The following FAM120C variants were observed in gnomAD, a reference collection of about 807,000 sequenced individuals.
FAM120C encodes the protein constitutive coactivator of PPAR-gamma-like protein 2.
Under a neutral mutation model 71.2 loss-of-function variants are expected in FAM120C, and 14 were observed. The observed-to-expected ratio is 0.20, with a 90% CI of 0.13 to 0.31. The LOEUF (loss-of-function observed/expected upper bound fraction) is 0.31, where lower values mean the gene tolerates loss of function less well. Among genes scored for constraint, FAM120C ranks in the 10% least tolerant of loss-of-function variants. The probability of loss-of-function intolerance (pLI) is 1.00; values close to 1 mark genes in which losing one functional copy is unlikely to be tolerated. For synonymous variants in FAM120C, 354 were observed against 353.2 expected (o/e 1.00, Z -0.03); for missense variants, 500 against 879.0 (o/e 0.57, Z 5.45).
At chrX:54,163,890 G>A (rs2067246272) in intron 1 of FAM120C, among the ~76,000 whole-genome samples, 1 of 106,827 alleles carries the variant, frequency 9.4e-6, no homozygotes, top group African/African-American at 3.5e-5. Context: ...TATGTTGTGT[G>A]TGTGTGTGTG....
At position 54,132,557 on chromosome X, in the gene FAM120C, G is replaced by C. The variant is rs2067073495; in HGVS notation, c.2062+135C>G. 6 of 451,470 alleles carry C rather than the reference G, an allele frequency of 1.3e-5. No homozygotes were observed. In the South Asian group the frequency reaches 2.9e-4, roughly 22 times the overall value. The allele number at this position is 451,470 out of a possible 1,213,427, so 37.2% of individuals were successfully genotyped here. A position where few individuals can be genotyped will look rare whatever the true frequency, so the allele number is the denominator to read the frequency against. Reference sequence around the variant, plus strand: ...TGGGGCTTAAGTTAATGTATTCCCAGTATCAGTATGCATTTTGTTGAATGT... The same window carrying C: ...TGGGGCTTAAGTTAATGTATTCCCACTATCAGTATGCATTTTGTTGAATGT... On this transcript the variant is annotated intron_variant, in intron 9 of 15. Transcript: ENST00000375180.
chrX:54,106,031 C>T (rs1358678458), intron 10 of FAM120C, among the ~76,000 whole-genome samples: 4 of 111,940 alleles, frequency 3.6e-5, no homozygotes, highest in African/African-American at 9.7e-5. Flanking sequence ...CTACCAATGA[C>T]TTTCTTCACA....
intron 1 of FAM120C, chrX:54,172,007 C>T (rs2067290960): frequency 8.9e-6 from 1 of 112,718 alleles, no homozygotes. Context: ...CCATCACTTT[C>T]AATTCTTGGA....
intron 12 of FAM120C, 128 bp from the exon 13 acceptor site, chrX:54,086,044 CG>C: frequency 1.8e-6 from 1 of 554,628 alleles, no homozygotes; most frequent in East Asian, 3.5e-5. Flanking sequence ...TGAGGCCTGT[CG>C]TTAAAGGGCT....
chrX:54,149,904 G>C (rs1395593249), intron 4 of FAM120C, among the ~76,000 whole-genome samples: 2 of 112,091 alleles, frequency 1.8e-5, no homozygotes, highest in African/African-American at 6.5e-5. Flanking sequence ...AATCCAAATT[G>C]AAAAATATAA....
intron 10 of FAM120C, among the ~76,000 whole-genome samples, chrX:54,103,333 C>G (rs2066891172): frequency 9.0e-6 from 1 of 111,287 alleles, no homozygotes; most frequent in Non-Finnish European, 1.9e-5. Context: ...TGACAATACT[C>G]TGGGCTTAAG....
At chrX:54,137,055 C>T (rs1433141766) in intron 4 of FAM120C, among the ~76,000 whole-genome samples, 1 of 110,318 alleles carries the variant, frequency 9.1e-6, no homozygotes, top group African/African-American at 3.3e-5. Flanking sequence ...CAGGTTCAAG[C>T]GATTCTCCTG....
intron 1 of FAM120C, chrX:54,174,152 T>C: frequency 1.9e-6 from 1 of 513,128 alleles, no homozygotes. Context: ...GCTTGCTTCA[T>C]CAGAGTGATC....
At position 54,087,741 on chromosome X, in the gene FAM120C, T is replaced by C. The variant is rs1449930626; in HGVS notation, c.2637+14A>G. On this transcript the variant is annotated intron_variant, in intron 12 of 15. Coordinates refer to ENST00000375180, the MANE Select transcript of FAM120C (RefSeq NM_017848.6). Reference sequence around the variant, plus strand: ...AGATCAGAGCTAGTCCTTAGCAGCCTGACATGCTGGTACCTGGCCATCACA... The same window carrying C: ...AGATCAGAGCTAGTCCTTAGCAGCCCGACATGCTGGTACCTGGCCATCACA... 18 of 1,202,835 alleles carry C rather than the reference T, an allele frequency of 1.5e-5. No individual in the cohort carries two copies. The highest frequency in any genetic ancestry group is 2.0e-5 in the Non-Finnish European group (18 of 890,413).
In FAM120C at chrX:54,068,915, G is replaced by A. The variant is rs933287432; in HGVS notation, c.*4118C>T. 2 of 111,464 alleles carry A rather than the reference G, an allele frequency of 1.8e-5. No homozygotes were observed. Among genetic ancestry groups the A allele is most frequent in the Non-Finnish European group, 3.8e-5 (2 of 53,102 alleles). 9.2% of individuals were successfully genotyped at this position (111,464 alleles called of 1,213,427 possible). A position where few individuals can be genotyped will look rare whatever the true frequency, so the allele number is the denominator to read the frequency against. On this transcript the variant is annotated 3_prime_UTR_variant, in exon 16 of 16. Transcript: ENST00000375180. The stretch of plus-strand genomic sequence containing the variant: ...GTCATCAGATTTGGCTGGGTTATGA[G>A]AGATTAATAAAATCTGAAATATTTA...
intron 13 of FAM120C, among the ~76,000 whole-genome samples, chrX:54,082,943 C>T (rs183376656): frequency 5.5e-5 from 6 of 108,630 alleles, no homozygotes; most frequent in African/African-American, 1.7e-4. Context: ...ATGGTGAAAT[C>T]CCGTCTCTAC....
intron 10 of FAM120C, 23 bp downstream of exon 10, chrX:54,116,522 C>G: frequency 1.7e-6 from 2 of 1,193,257 alleles, no homozygotes; most frequent in Non-Finnish European, 2.3e-6. Flanking sequence ...AAGAACAGGC[C>G]ACCTGCCTGT....
At chrX:54,136,455 T>A in intron 5 of FAM120C, 36 bp downstream of exon 5, 1 of 1,060,944 alleles carries the variant, frequency 9.4e-7, no homozygotes. Context: ...GTTTCCCCTA[T>A]GAACAGAGCA....
chrX:54,148,520 G>A lies in FAM120C; in HGVS notation c.1158+2725C>T, dbSNP rs185755803. Reference sequence around the variant, plus strand: ...AAATTAGCCAGGCATGATGGTGTGCGCCTGTAGTCCGAGCTACTTGGGAGG... The same window carrying A: ...AAATTAGCCAGGCATGATGGTGTGCACCTGTAGTCCGAGCTACTTGGGAGG... On this transcript the variant is annotated intron_variant, in intron 4 of 15. Coordinates refer to ENST00000375180, the MANE Select transcript of FAM120C (RefSeq NM_017848.6). 4.5e-5 allele frequency among the ~76,000 whole-genome samples: 5 copies of A among 111,480 alleles called. 1 individual carries two copies. Among genetic ancestry groups the A allele is most frequent in the Admixed American group, 3.9e-4 (4 of 10,372 alleles).
chrX:54,090,389 C>G (rs938835929), intron 11 of FAM120C, among the ~76,000 whole-genome samples: 1 of 110,137 alleles, frequency 9.1e-6, no homozygotes, highest in Non-Finnish European at 1.9e-5. Context: ...CCTGCCATCA[C>G]GCCCAGCTAA....
intron 1 of FAM120C, chrX:54,171,887 A>C (rs180825097): frequency 1.8e-3 from 206 of 112,182 alleles, no homozygotes; most frequent in African/African-American, 6.5e-3. Context: ...CATACTCTGA[A>C]CACTGAGAAA....
intron 13 of FAM120C, among the ~76,000 whole-genome samples, chrX:54,082,137 C>T (rs1308411241): frequency 2.9e-5 from 3 of 102,968 alleles, no homozygotes; most frequent in African/African-American, 1.1e-4. Flanking sequence ...GAGCCAAGTT[C>T]ACACCTCTGC....
At position 54,080,250 on chromosome X, in the gene FAM120C, G is replaced by A; in HGVS notation, c.3018C>T (p.His1006=). The part of the protein sequence containing the change: ...KEQTGRGSKG[H]KKGNKQGSSD... Reference sequence around the variant, plus strand: ...TACTTACTTGCTTATTTCCTTTTTTGTGTCCCTTGGATCCTCTACCAGTCT... The same window carrying A: ...TACTTACTTGCTTATTTCCTTTTTTATGTCCCTTGGATCCTCTACCAGTCT... The change falls in exon 15 of 16, where the codon CAC becomes CAT. Residue 1006 remains histidine (H), a synonymous_variant. Transcript: ENST00000375180. 8.3e-7 allele frequency: 1 copy of A among 1,207,283 alleles called. No individual in the cohort carries two copies. The highest frequency in any genetic ancestry group is 1.1e-6 in the Non-Finnish European group (1 of 892,916).
intron 1 of FAM120C, among the ~76,000 whole-genome samples, chrX:54,169,713 A>G (rs1557135694): frequency 8.9e-6 from 1 of 112,047 alleles, no homozygotes; most frequent in Non-Finnish European, 1.9e-5. Context: ...CCTTATAAGA[A>G]GATTCGAGGG....
Sources: gnomAD v4.1 joint callset for allele counts (sites outside exome capture counted in the v4.1 genomes callset) on GRCh38, gnomAD v4.1.1 for gene constraint, MANE v1.5 for transcripts, NCBI Gene and HGNC (gene_info 2026-07-23, HGNC 2026-07-21) for gene names.